KCNH1: variants seen among roughly 807,000 people sequenced by gnomAD.
KCNH1 encodes the protein potassium voltage-gated channel subfamily H member 1.
A neutral mutation model predicts 69.2 loss-of-function variants in KCNH1; 27 were observed. The ratio of observed to expected loss-of-function variants is 0.39; its 90% CI spans 0.29 to 0.54. KCNH1 has a LOEUF of 0.54. KCNH1 is among the 20% of genes least tolerant of loss of function. The pLI, the probability that KCNH1 is intolerant of heterozygous loss-of-function variation, is 0.68. For missense variants in KCNH1, 798 were observed against 1,261.6 expected (o/e 0.63, Z 5.57); for synonymous variants, 456 against 487.7 (o/e 0.93, Z 0.86).
rs1171603300 is a variant in KCNH1, at chr1:211,002,342, A to G, written c.1032+16441T>C. ...TATATATATATGTGTGTGTGTGTATATATATATATATACACACACACATAT... is the reference window on the plus strand; with the variant it reads ...TATATATATATGTGTGTGTGTGTATGTATATATATATACACACACACATAT... On this transcript the variant is annotated intron_variant, in intron 6 of 10. Transcript: ENST00000271751. Among the ~76,000 whole-genome samples, 4 of 119,546 alleles carry G rather than the reference A, an allele frequency of 3.3e-5. No individual in the cohort carries two copies. In the East Asian group the frequency reaches 6.0e-4, roughly 18 times the overall value. The allele number at this position is 119,546 out of a possible 152,430, so 78.4% of individuals were successfully genotyped here. A position where few individuals can be genotyped will look rare whatever the true frequency, so the allele number is the denominator to read the frequency against.
rs563827876 is a variant in KCNH1, at chr1:210,813,304, T to C, written c.1463-9138A>G. The stretch of plus-strand genomic sequence containing the variant: ...GGTCCAGAAGAGAGATGTTTTAAAC[T>C]AAGCTCATCATGCACAGAGGCCTTC... On this transcript the variant is annotated intron_variant, in intron 7 of 10. Transcript: ENST00000271751. Among the ~76,000 whole-genome samples, 28 of 152,332 alleles carry C rather than the reference T, an allele frequency of 1.8e-4. 1 individual carries two copies. The South Asian group carries it at 5.4e-3, about 29-fold the overall frequency.
chr1:210,777,109 C>A (rs1197579348), intron 9 of KCNH1, among the ~76,000 whole-genome samples: 1 of 152,188 alleles, frequency 6.6e-6, no homozygotes, highest in Non-Finnish European at 1.5e-5. Flanking sequence ...CAGCTGAAAT[C>A]AAAGGACCTG....
chr1:211,110,717 T>TA (rs1437985063), intron 1 of KCNH1, among the ~76,000 whole-genome samples: 14 of 149,482 alleles, frequency 9.4e-5, no homozygotes, highest in Admixed American at 7.9e-4. Flanking sequence ...TACAGCTGAT[T>TA]TAAAAAATGG....
At chr1:211,048,610 C>T (rs1278747386) in intron 5 of KCNH1, among the ~76,000 whole-genome samples, 1 of 152,084 alleles carries the variant, frequency 6.6e-6, no homozygotes, top group African/African-American at 2.4e-5. Context: ...AACCAAACAT[C>T]GTATGTTCTC....
intron 3 of KCNH1, among the ~76,000 whole-genome samples, chr1:211,091,069 C>T (rs1435328526): frequency 6.6e-6 from 1 of 152,212 alleles, no homozygotes; most frequent in Non-Finnish European, 1.5e-5. Flanking sequence ...GTCCTGCCAA[C>T]CATGGCCAGC....
intron 1 of KCNH1, among the ~76,000 whole-genome samples, chr1:211,131,052 A>T (rs1691866027): frequency 6.6e-6 from 1 of 152,162 alleles, no homozygotes; most frequent in Admixed American, 6.5e-5. Flanking sequence ...TGCATGGTGT[A>T]CCATAAAGAA....
chr1:210,827,591 C>T (rs1685059116), intron 7 of KCNH1, among the ~76,000 whole-genome samples: 1 of 152,144 alleles, frequency 6.6e-6, no homozygotes, highest in Non-Finnish European at 1.5e-5. Context: ...AACACAACTG[C>T]CTTCATGCCA....
intron 6 of KCNH1, among the ~76,000 whole-genome samples, chr1:210,938,674 A>G (rs1285368884): frequency 6.6e-6 from 1 of 152,158 alleles, no homozygotes; most frequent in African/African-American, 2.4e-5. Context: ...TATTTCTTCT[A>G]TCTCAAACAC....
chr1:210,934,641 A>G (rs1350944481), intron 6 of KCNH1, among the ~76,000 whole-genome samples: 1 of 152,118 alleles, frequency 6.6e-6, no homozygotes, highest in Non-Finnish European at 1.5e-5. Context: ...TCCGTCTCAA[A>G]AAAAAAAAAT....
chr1:210,720,896 A>G (rs1349763105), intron 10 of KCNH1, among the ~76,000 whole-genome samples: 1 of 152,198 alleles, frequency 6.6e-6, no homozygotes, highest in East Asian at 1.9e-4. Context: ...GTCAACAAAA[A>G]TTATGTCATG....
chr1:210,946,806 G>A (rs1194063582), intron 6 of KCNH1, among the ~76,000 whole-genome samples: 4 of 152,064 alleles, frequency 2.6e-5, no homozygotes, highest in African/African-American at 7.2e-5. Flanking sequence ...CCTTCACGTA[G>A]GCGGGTTTCC....
intron 7 of KCNH1, among the ~76,000 whole-genome samples, chr1:210,866,753 T>C (rs1477975763): frequency 6.6e-6 from 1 of 152,058 alleles, no homozygotes; most frequent in African/African-American, 2.4e-5. Context: ...CTCCTAAGTC[T>C]ATACCCAAAA....
Position 211,110,699 on chromosome 1 carries a change from A to T in KCNH1, c.80-3322T>A, listed in dbSNP as rs142005630. On this transcript the variant is annotated intron_variant, in intron 1 of 10. Coordinates refer to ENST00000271751, the MANE Select transcript of KCNH1 (RefSeq NM_172362.3). ...AGAACAATGATGAAGCAAATAAGAG[A>T]TAGTGTGTACAGCTGATTTAAAAAA... is the stretch of plus-strand genomic sequence containing the variant. 4.7e-4 allele frequency among the ~76,000 whole-genome samples: 72 copies of T among 152,290 alleles called. 2 individuals are homozygous for T. The highest frequency in any genetic ancestry group is 1.7e-3 in the African/African-American group (69 of 41,552).
intron 7 of KCNH1, among the ~76,000 whole-genome samples, chr1:210,833,746 C>G (rs1456669032): frequency 6.6e-6 from 1 of 152,122 alleles, no homozygotes; most frequent in Non-Finnish European, 1.5e-5. Flanking sequence ...AGTGAACAGG[C>G]AACCCACAAA....
In KCNH1 at chr1:210,683,498, G is replaced by C. The variant is rs778872508; in HGVS notation, c.2753C>G (p.Pro918Arg). 2 of 1,614,160 alleles carry C rather than the reference G, an allele frequency of 1.2e-6. No individual in the cohort carries two copies. Among genetic ancestry groups the C allele is most frequent in the Admixed American group, 3.3e-5 (2 of 60,024 alleles). ...GACTGTGGCCTGCAGCGTCTGCTCA[G>C]GGATGGGGTAGAACGAATGCTTGAC... The part of the protein sequence containing the change: ...AEVKHSFYPI[P>R]EQTLQATVLE... Residue 918 changes from proline (P) to arginine (R), a missense_variant, in exon 11 of 11, where the codon CCT becomes CGT. By Grantham distance (103) the Pro-to-Arg change is moderately radical. This residue lies in a region of KCNH1 where 331 missense variants were observed against 363.2 expected (regional missense o/e 0.91). Transcript: ENST00000271751. The surrounding 1 kb of genome is among the most constrained non-coding windows in gnomAD (Gnocchi z 5.7).
chr1:210,926,469 T>C (rs1316169806), intron 6 of KCNH1, among the ~76,000 whole-genome samples: 3 of 151,780 alleles, frequency 2.0e-5, no homozygotes, highest in Non-Finnish European at 4.4e-5. Context: ...GCAAAAACAA[T>C]CCCTGCAGTT....
At chr1:210,898,094 T>A (rs1466627753) in intron 7 of KCNH1, among the ~76,000 whole-genome samples, 1 of 152,204 alleles carries the variant, frequency 6.6e-6, no homozygotes, top group Non-Finnish European at 1.5e-5. Flanking sequence ...TGCATTATAT[T>A]GAAAAATACT....
chr1:210,920,439 T>G (rs938033293), intron 6 of KCNH1, among the ~76,000 whole-genome samples: 2 of 152,120 alleles, frequency 1.3e-5, no homozygotes, highest in African/African-American at 4.8e-5. Context: ...TATGAAAAAT[T>G]TTAAGGGTTG....
intron 5 of KCNH1, among the ~76,000 whole-genome samples, chr1:211,070,184 C>T (rs554091412): frequency 5.7e-4 from 86 of 151,970 alleles, no homozygotes; most frequent in Non-Finnish European, 1.0e-3. Context: ...TTTGGGAGGC[C>T]GAGGCTGGCA....
Sources: gnomAD v4.1 joint callset for allele counts (sites outside exome capture counted in the v4.1 genomes callset) on GRCh38, gnomAD v4.1.1 for gene constraint, gnomAD v4.1.1 regional missense constraint, Gnocchi (gnomAD v3.1) non-coding constraint, MANE v1.5 for transcripts, NCBI Gene and HGNC (gene_info 2026-07-23, HGNC 2026-07-21) for gene names.